ZNF678: variants seen among roughly 807,000 people sequenced by gnomAD.
The protein encoded by ZNF678 is zinc finger protein 678.
In ZNF678, 5 loss-of-function variants were observed where a neutral mutation model predicts 3.0. The observed-to-expected ratio is 1.69, with a 90% CI of 0.88 to 3.56. The LOEUF is 3.56. ZNF678 is among the 30% of genes most tolerant of loss of function. The pLI is 0.00. For synonymous variants in ZNF678, 218 were observed against 199.6 expected, an observed-to-expected ratio of 1.09 and a Z score of -0.78; for missense variants, 593 against 605.0, an observed-to-expected ratio of 0.98 and a Z score of 0.21.
chr1:227,625,188 C>T (rs1354377714), intron 1 of ZNF678, among the ~76,000 whole-genome samples: 3 of 152,154 alleles, frequency 2.0e-5, no homozygotes, highest in East Asian at 1.9e-4. Flanking sequence ...TTACAAGCCC[C>T]GTGTTTAAAG....
At chr1:227,623,238 G>C (rs1027609827) in intron 1 of ZNF678, among the ~76,000 whole-genome samples, 1 of 152,234 alleles carries the variant, frequency 6.6e-6, no homozygotes, top group African/African-American at 2.4e-5. Context: ...TGCTCAGTAA[G>C]TAACTATTTA....
chr1:227,642,246 A>G (rs1382154126), intron 1 of ZNF678, among the ~76,000 whole-genome samples: 2 of 152,222 alleles, frequency 1.3e-5, no homozygotes, highest in South Asian at 2.1e-4. Flanking sequence ...TAGACTTTGT[A>G]AAGTCCCTCT....
chr1:227,576,178 G>A (rs1656983076), intron 1 of ZNF678, among the ~76,000 whole-genome samples: 1 of 152,048 alleles, frequency 6.6e-6, no homozygotes, highest in Non-Finnish European at 1.5e-5. Context: ...TTTTTGCATT[G>A]ATGTTCATCA....
chr1:227,640,735 G>T (rs1658799801), intron 1 of ZNF678, among the ~76,000 whole-genome samples: 1 of 152,198 alleles, frequency 6.6e-6, no homozygotes, highest in Non-Finnish European at 1.5e-5. Flanking sequence ...CTTGCCTGAG[G>T]CCTAAGGTTT....
chr1:227,614,424 C>T (rs1415793389), intron 1 of ZNF678, among the ~76,000 whole-genome samples: 1 of 152,232 alleles, frequency 6.6e-6, no homozygotes, highest in Non-Finnish European at 1.5e-5. Flanking sequence ...CCTGCTGGCT[C>T]TGCCATCTTG....
chr1:227,567,271 A>G (rs1656712651), intron 1 of ZNF678, among the ~76,000 whole-genome samples: 1 of 152,186 alleles, frequency 6.6e-6, no homozygotes, highest in South Asian at 2.1e-4. Context: ...TTACAATTTT[A>G]TTCCCTTTTA....
intron 1 of ZNF678, among the ~76,000 whole-genome samples, chr1:227,635,601 C>G (rs183147792): frequency 6.7e-6 from 1 of 149,168 alleles, no homozygotes; most frequent in East Asian, 2.0e-4. Flanking sequence ...TGAGTGCCGG[C>G]AGGCTGAGGC....
chr1:227,599,391 G>T (rs1657677001), intron 1 of ZNF678, among the ~76,000 whole-genome samples: 1 of 152,164 alleles, frequency 6.6e-6, no homozygotes, highest in South Asian at 2.1e-4. Flanking sequence ...AGGTCCTCCT[G>T]CCGCCTCCCC....
chr1:227,652,129 A>C (rs1446874535), intron 3 of ZNF678, among the ~76,000 whole-genome samples: 1 of 152,194 alleles, frequency 6.6e-6, no homozygotes, highest in Non-Finnish European at 1.5e-5. Flanking sequence ...TATAAATTAT[A>C]TATGTTCCCA....
chr1:227,635,515 T>TTGTGTGTG (rs56135481), intron 1 of ZNF678, among the ~76,000 whole-genome samples: 7,897 of 127,880 alleles, frequency 0.062, 328 homozygotes, highest in Admixed American at 0.078. Flanking sequence ...GGGTGAACAT[T>TTGTGTGTG]TGTGTGTGTG....
intron 1 of ZNF678, among the ~76,000 whole-genome samples, chr1:227,614,852 G>A (rs932420064): frequency 1.3e-5 from 2 of 152,206 alleles, no homozygotes; most frequent in Non-Finnish European, 2.9e-5. Context: ...CACACAGACT[G>A]TCCCACCAAC....
At chr1:227,604,813 T>C (rs926878822) in intron 1 of ZNF678, among the ~76,000 whole-genome samples, 70 of 152,218 alleles carry the variant, frequency 4.6e-4, no homozygotes, top group African/African-American at 1.6e-3. Context: ...TTTTAAAAAA[T>C]GTGTTTTTAT....
At position 227,655,850 on chromosome 1, in the gene ZNF678, C is replaced by G. The variant is rs1428693876; in HGVS notation, c.*22C>G. On this transcript the variant is annotated 3_prime_UTR_variant, in exon 4 of 4. Transcript: ENST00000343776. ...TTAAAAACTGCTTCATTATACATGG[C>G]TTCACTAATTTCATACTGAATAAAA... 1 of 1,536,754 alleles carries G rather than the reference C, an allele frequency of 6.5e-7. No individual in the cohort carries two copies. Among genetic ancestry groups the G allele is most frequent in the Non-Finnish European group, 8.7e-7 (1 of 1,147,480 alleles).
intron 1 of ZNF678, among the ~76,000 whole-genome samples, chr1:227,623,654 T>A (rs1316186384): frequency 2.0e-5 from 3 of 152,218 alleles, no homozygotes; most frequent in Non-Finnish European, 2.9e-5. Flanking sequence ...ATTTAAAATG[T>A]TAATAATTAA....
chr1:227,599,208 A>AAC, intron 1 of ZNF678: 1 of 926,086 alleles, frequency 1.1e-6, no homozygotes, highest in Non-Finnish European at 1.7e-6. Context: ...AACTGGTTTC[A>AAC]GGTTTTTGTT....
rs1469457614 is a variant in ZNF678, at chr1:227,654,747, C to A, written c.497C>A (p.Ser166Ter). The A allele has an allele frequency of 1.9e-6, 3 of 1,612,872 alleles. No homozygotes were observed. The highest frequency in any genetic ancestry group is 2.2e-5 in the South Asian group (2 of 91,000). The change falls in exon 4 of 4, where the codon TCA (serine) becomes TAA (stop). Residue 166 changes from serine (S) to a stop codon, truncating the protein, a stop_gained. Coordinates refer to ENST00000343776, the MANE Select transcript of ZNF678 (RefSeq NM_001367909.1). LOFTEE classifies it low-confidence loss of function (END_TRUNC). ...DECGKVFNWW[S>*]QLTNHKKIHT... ...TGTGGCAAAGTTTTTAATTGGTGGT[C>A]ACAACTAACTAACCATAAGAAAATT... is the stretch of plus-strand genomic sequence containing the variant.
intron 1 of ZNF678, among the ~76,000 whole-genome samples, chr1:227,606,181 G>A (rs1290032232): frequency 2.0e-5 from 3 of 151,974 alleles, no homozygotes; most frequent in South Asian, 2.1e-4. Context: ...GCCGGTCTCC[G>A]AGTTCCCTCA....
chr1:227,648,410 A>T (rs1386832498), intron 2 of ZNF678, among the ~76,000 whole-genome samples: 1 of 152,258 alleles, frequency 6.6e-6, no homozygotes, highest in East Asian at 1.9e-4. Flanking sequence ...TACACATTGT[A>T]CTATAATTAA....
chr1:227,670,025 A>G (rs1659574073), intron 5 of ZNF678, among the ~76,000 whole-genome samples: 1 of 152,234 alleles, frequency 6.6e-6, no homozygotes, highest in South Asian at 2.1e-4. Context: ...CTATAAAAAA[A>G]TAAAATCATG....
Sources: allele counts gnomAD v4.1 joint callset (sites outside exome capture counted in the v4.1 genomes callset), GRCh38; gene constraint gnomAD v4.1.1; transcripts MANE v1.5; gene names NCBI Gene and HGNC (gene_info 2026-07-23, HGNC 2026-07-21).